FBXL7: variants seen among roughly 807,000 people sequenced by gnomAD.
FBXL7 encodes F-box and leucine rich repeat protein 7, also known as F-box/LRR-repeat protein 7.
FBXL7 carries 12 observed loss-of-function variants against 38.3 expected under a neutral mutation model. The observed-to-expected ratio is 0.31, with a 90% CI of 0.20 to 0.51. The LOEUF is 0.51. FBXL7 is among the 20% of genes least tolerant of loss of function. The pLI, the probability that FBXL7 is intolerant of heterozygous loss-of-function variation, is 0.98. For synonymous variants in FBXL7, 297 were observed against 300.9 expected (o/e 0.99, Z 0.13); for missense variants, 567 against 676.4 (o/e 0.84, Z 1.79).
chr5:15,824,438 C>T (rs181369415), intron 2 of FBXL7, among the ~76,000 whole-genome samples: 14 of 152,170 alleles, frequency 9.2e-5, no homozygotes, highest in African/African-American at 3.4e-4. Context: ...GTCTGTGATG[C>T]CAACGTTTTT....
intron 1 of FBXL7, among the ~76,000 whole-genome samples, chr5:15,600,376 A>G (rs1388670968): frequency 6.6e-6 from 1 of 152,190 alleles, no homozygotes; most frequent in Non-Finnish European, 1.5e-5. Flanking sequence ...AGGGAGGGGT[A>G]TAACAAGGCA....
intron 2 of FBXL7, among the ~76,000 whole-genome samples, chr5:15,828,450 T>G (rs554374259): frequency 6.6e-6 from 1 of 152,348 alleles, no homozygotes; most frequent in Admixed American, 6.5e-5. Flanking sequence ...CTGGCAATCT[T>G]AAGTTGAATG....
chr5:15,726,030 CAT>C (rs1383676301), intron 2 of FBXL7, among the ~76,000 whole-genome samples: 2 of 152,046 alleles, frequency 1.3e-5, no homozygotes, highest in African/African-American at 4.8e-5. Context: ...GTTTTTGCCT[CAT>C]ATATTTTGAT....
At chr5:15,601,224 T>G (rs1330277996) in intron 1 of FBXL7, among the ~76,000 whole-genome samples, 2 of 152,318 alleles carry the variant, frequency 1.3e-5, no homozygotes, top group East Asian at 3.9e-4. Flanking sequence ...AACACTGGTC[T>G]TTTATTATAC....
intron 1 of FBXL7, among the ~76,000 whole-genome samples, chr5:15,524,010 T>C (rs1737180681): frequency 6.6e-6 from 1 of 152,230 alleles, no homozygotes; most frequent in South Asian, 2.1e-4. Flanking sequence ...ATAGTTAATT[T>C]GGGTGTTAGG....
chr5:15,556,624 A>G (rs766577255), intron 1 of FBXL7, among the ~76,000 whole-genome samples: 6 of 152,218 alleles, frequency 3.9e-5, no homozygotes, highest in Admixed American at 6.5e-5. Flanking sequence ...TACTACTGTC[A>G]TAACATACAT....
At chr5:15,794,552 G>A (rs1245414001) in intron 2 of FBXL7, among the ~76,000 whole-genome samples, 3 of 152,176 alleles carry the variant, frequency 2.0e-5, no homozygotes, top group African/African-American at 4.8e-5. Context: ...AATAAAACAG[G>A]AAGACGTGTT....
chr5:15,928,030 TC>T lies in FBXL7; in HGVS notation c.272del (p.Pro91ArgfsTer24). ...CGGGGAGACGGTGGCCATGGTGCAC[TC>T]CCCGCCCCCGACCCGCCTCACACAC... is the stretch of plus-strand genomic sequence containing the variant. ...ITGETVAMVH[S>X]PPPTRLTHPL... On this transcript the variant is annotated frameshift_variant, in exon 3 of 4. Transcript: ENST00000504595. LOFTEE classifies it high-confidence loss of function. This position sits in a 1 kb window ranked among gnomAD's most constrained non-coding sequence, Gnocchi z 4.0. 2 of 697,938 alleles carry T rather than the reference TC, an allele frequency of 2.9e-6. No individual in the cohort carries two copies. The highest frequency in any genetic ancestry group is 1.4e-5 in the South Asian group (1 of 73,422). The allele number at this position is 697,938 out of a possible 1,614,324, so 43.2% of individuals were successfully genotyped here.
At chr5:15,512,829 AG>A (rs1182916915) in intron 1 of FBXL7, among the ~76,000 whole-genome samples, 2 of 152,154 alleles carry the variant, frequency 1.3e-5, no homozygotes, top group African/African-American at 4.8e-5. Flanking sequence ...GTTGTTTTGT[AG>A]TATTTGTTTT....
chr5:15,915,427 G>A (rs1348729981), intron 2 of FBXL7, among the ~76,000 whole-genome samples: 1 of 152,182 alleles, frequency 6.6e-6, no homozygotes, highest in Non-Finnish European at 1.5e-5. Context: ...TGTAACTCTA[G>A]TTTCGGCCTC....
intron 1 of FBXL7, among the ~76,000 whole-genome samples, chr5:15,507,600 G>A (rs868326071): frequency 5.4e-4 from 82 of 152,174 alleles, no homozygotes; most frequent in African/African-American, 1.9e-3. Flanking sequence ...TTTTAAGATG[G>A]CCTTAGGGAT....
At chr5:15,530,352 A>G (rs544963521) in intron 1 of FBXL7, among the ~76,000 whole-genome samples, 14 of 152,212 alleles carry the variant, frequency 9.2e-5, no homozygotes, top group Non-Finnish European at 1.6e-4. Flanking sequence ...CAAAAATAGA[A>G]TAAGACACTA....
At chr5:15,655,812 A>G (rs749512760) in intron 2 of FBXL7, among the ~76,000 whole-genome samples, 6 of 152,180 alleles carry the variant, frequency 3.9e-5, no homozygotes, top group Non-Finnish European at 8.8e-5. Context: ...CATATCAAGA[A>G]GGTAAGTGAC....
At chr5:15,632,479 A>G (rs1478021376) in intron 2 of FBXL7, among the ~76,000 whole-genome samples, 1 of 152,180 alleles carries the variant, frequency 6.6e-6, no homozygotes, top group African/African-American at 2.4e-5. Context: ...TTTCTCAAAG[A>G]ATTTAAAACA....
intron 1 of FBXL7, among the ~76,000 whole-genome samples, chr5:15,583,252 T>G (rs1739201671): frequency 6.6e-6 from 1 of 152,102 alleles, no homozygotes; most frequent in Non-Finnish European, 1.5e-5. Context: ...GGTCTCTCCC[T>G]CGACACCTGG....
intron 2 of FBXL7, among the ~76,000 whole-genome samples, chr5:15,661,514 G>A (rs905058176): frequency 2.0e-4 from 30 of 151,186 alleles, no homozygotes; most frequent in Admixed American, 8.6e-4. Flanking sequence ...ATAATATATA[G>A]TTAGTTATAA....
intron 1 of FBXL7, among the ~76,000 whole-genome samples, chr5:15,565,917 A>G (rs1232266303): frequency 1.3e-5 from 2 of 152,168 alleles, no homozygotes; most frequent in Non-Finnish European, 2.9e-5. Context: ...TCAAATGTGA[A>G]TCTTATCCAA....
intron 2 of FBXL7, among the ~76,000 whole-genome samples, chr5:15,869,854 A>G (rs1739877619): frequency 6.6e-6 from 1 of 152,144 alleles, no homozygotes; most frequent in Non-Finnish European, 1.5e-5. Flanking sequence ...TCACACCTGT[A>G]ATCCCAATAC....
At chr5:15,809,430 A>T (rs1737798212) in intron 2 of FBXL7, among the ~76,000 whole-genome samples, 1 of 152,336 alleles carries the variant, frequency 6.6e-6, no homozygotes, top group South Asian at 2.1e-4. Flanking sequence ...ACAAAAAGTA[A>T]GAGAGAAGAC....
Sources: allele counts gnomAD v4.1 joint callset (sites outside exome capture counted in the v4.1 genomes callset), GRCh38; gene constraint gnomAD v4.1.1; non-coding constraint Gnocchi (gnomAD v3.1); transcripts MANE v1.5; gene names NCBI Gene and HGNC (gene_info 2026-07-23, HGNC 2026-07-21).